GATAD2A: variants seen among roughly 807,000 people sequenced by gnomAD.
GATAD2A encodes GATA zinc finger domain containing 2A, also known as transcriptional repressor p66-alpha.
GATAD2A carries 12 observed loss-of-function variants against 68.5 expected under a neutral mutation model. The ratio of observed to expected loss-of-function variants is 0.18; its 90% confidence interval spans 0.11 to 0.28. The LOEUF is 0.28. GATAD2A is among the 10% of genes least tolerant of loss of function. The pLI, the probability that GATAD2A is intolerant of heterozygous loss-of-function variation, is 1.00. For missense variants in GATAD2A, 755 were observed against 868.5 expected, an observed-to-expected ratio of 0.87 and a Z score of 1.64; for synonymous variants, 410 against 375.3, an observed-to-expected ratio of 1.09 and a Z score of -1.07.
chr19:19,492,179 A>G, intron 2 of GATAD2A, 127 bp from the exon 3 acceptor site: 1 of 948,306 alleles, frequency 1.1e-6, no homozygotes, highest in Admixed American at 2.3e-5. Context: ...AGGGCAGGGG[A>G]TGTGGAGGAT....
intron 1 of GATAD2A, among the ~76,000 whole-genome samples, chr19:19,425,579 T>C (rs906405660): frequency 3.9e-5 from 6 of 152,148 alleles, no homozygotes; most frequent in African/African-American, 1.4e-4. Flanking sequence ...TCTGAAATGA[T>C]TGGCAAAGAA....
intron 1 of GATAD2A, among the ~76,000 whole-genome samples, chr19:19,455,765 C>G (rs1309960144): frequency 6.6e-6 from 1 of 152,170 alleles, no homozygotes; most frequent in Non-Finnish European, 1.5e-5. Context: ...TCTGGAGGGA[C>G]AGCTGTCCTG....
At chr19:19,442,063 G>A (rs2055157700) in intron 1 of GATAD2A, among the ~76,000 whole-genome samples, 1 of 148,912 alleles carries the variant, frequency 6.7e-6, no homozygotes, top group South Asian at 2.1e-4. Flanking sequence ...GTTTCTCCAT[G>A]TTGGTCAGGC....
At chr19:19,412,527 G>A (rs1039894225) in intron 1 of GATAD2A, among the ~76,000 whole-genome samples, 6 of 151,882 alleles carry the variant, frequency 4.0e-5, no homozygotes, top group African/African-American at 1.2e-4. Flanking sequence ...TGCTACTTGC[G>A]AGGCTGAGAT....
intron 2 of GATAD2A, among the ~76,000 whole-genome samples, chr19:19,466,848 CTA>C (rs1323746519): frequency 2.0e-5 from 3 of 152,182 alleles, no homozygotes; most frequent in Admixed American, 1.3e-4. Context: ...TTTCCTTTCT[CTA>C]TGTTTTCAGC....
At chr19:19,448,628 A>G (rs552338066) in intron 1 of GATAD2A, among the ~76,000 whole-genome samples, 90 of 152,258 alleles carry the variant, frequency 5.9e-4, no homozygotes, top group African/African-American at 2.0e-3. Flanking sequence ...ACCTGGGATT[A>G]CAGGCGCCCA....
Position 19,492,625 on chromosome 19 carries a change from G to T in GATAD2A, c.447G>T (p.Lys149Asn), listed in dbSNP as rs752493430. 6.2e-7 allele frequency: 1 copy of T among 1,614,186 alleles called. No individual in the cohort carries two copies. Among genetic ancestry groups the T allele is most frequent in the South Asian group, 1.1e-5 (1 of 91,088 alleles). Residue 149 changes from lysine (K) to asparagine (N), a missense_variant, in exon 4 of 12, where the codon AAG becomes AAT. Physicochemically the swap from Lys to Asn is moderately conservative, Grantham distance 94. Transcript: ENST00000683918. Reference protein sequence around the residue: ...EERERMIKQLKEELRLEEAKL... With the variant: ...EERERMIKQLNEELRLEEAKL... ...GAGAAAGGATGATCAAGCAGCTGAA[G>T]GAAGAATTGAGGTTAGAAGAAGCAA...
At position 19,501,953 on chromosome 19, in the gene GATAD2A, A is replaced by C; in HGVS notation, c.1504-16A>C. The stretch of plus-strand genomic sequence containing the variant: ...GCGGACCGCACTGACTTTGCTTTCA[A>C]CCCCCGTTTGTGTAGGTCATAAAAC... On this transcript the variant is annotated splice_polypyrimidine_tract_variant and intron_variant, in intron 9 of 11. Transcript: ENST00000683918. 6.2e-7 allele frequency: 1 copy of C among 1,611,496 alleles called. No homozygotes were observed. Among genetic ancestry groups the C allele is most frequent in the Non-Finnish European group, 8.5e-7 (1 of 1,177,886 alleles).
In GATAD2A at chr19:19,502,515, C is replaced by T. The variant is rs1441947632; in HGVS notation, c.1763C>T (p.Pro588Leu). ...GCCACCTCCAACTGGAAGAAGACGC[C>T]CCTCAGCACAGGTGGGTGACCTCCA... ...GSATSNWKKTPLSTGGTLAFV... is the reference protein window; with the variant it reads ...GSATSNWKKTLLSTGGTLAFV... The change falls in exon 11 of 12, where the codon CCC (proline) becomes CTC (leucine). Residue 588 changes from proline (P) to leucine (L), a missense_variant. By Grantham distance (98) the Pro-to-Leu change is moderately conservative (BLOSUM62 -3). Coordinates refer to ENST00000683918, the MANE Select transcript of GATAD2A (RefSeq NM_001384528.1). 1 of 1,610,642 alleles carries T rather than the reference C, an allele frequency of 6.2e-7. No homozygotes were observed. Among genetic ancestry groups the T allele is most frequent in the Non-Finnish European group, 8.5e-7 (1 of 1,178,484 alleles).
intron 1 of GATAD2A, among the ~76,000 whole-genome samples, chr19:19,411,404 C>A (rs1013816348): frequency 6.6e-6 from 1 of 152,174 alleles, no homozygotes; most frequent in African/African-American, 2.4e-5. Context: ...AGCTGTTTGC[C>A]GGGCAGATCT....
At chr19:19,473,665 C>A (rs993309354) in intron 2 of GATAD2A, among the ~76,000 whole-genome samples, 1 of 151,488 alleles carries the variant, frequency 6.6e-6, no homozygotes. Context: ...AGGCCAGGCG[C>A]GGTGGCTCAC....
At chr19:19,401,747 GAAAAGA>G (rs2049775423), upstream of GATAD2A, among the ~76,000 whole-genome samples, 1 of 151,246 alleles carries the variant, frequency 6.6e-6, no homozygotes, top group African/African-American at 2.4e-5. Context: ...CAAAAAAAAG[GAAAAGA>G]AAAAGGACAG....
chr19:19,490,794 A>G (rs1451448904), intron 2 of GATAD2A, among the ~76,000 whole-genome samples: 2 of 152,204 alleles, frequency 1.3e-5, no homozygotes, highest in Non-Finnish European at 2.9e-5. Context: ...CTGAGGCAGG[A>G]GAATCACCTG....
intron 1 of GATAD2A, among the ~76,000 whole-genome samples, chr19:19,442,355 G>A (rs1013922778): frequency 5.9e-5 from 9 of 152,004 alleles, no homozygotes; most frequent in East Asian, 1.9e-4. Flanking sequence ...GCTGGATGCC[G>A]TGGCTCACAC....
rs1033561074 is a variant in GATAD2A, at chr19:19,496,403, G to C, written c.924+184G>C. On this transcript the variant is annotated intron_variant, in intron 7 of 11. Transcript: ENST00000683918. The stretch of plus-strand genomic sequence containing the variant: ...TGGGGGCCACAGGGCTGTCTGGGTC[G>C]TGGGCAGAAGTTTTGTGGGCAGACT... Among the ~76,000 whole-genome samples the C allele has an allele frequency of 3.9e-5, 6 of 152,210 alleles. No homozygotes were observed. The South Asian group carries it at 6.2e-4, about 16-fold the overall frequency.
intron 1 of GATAD2A, among the ~76,000 whole-genome samples, chr19:19,419,525 T>C (rs1169082445): frequency 1.3e-5 from 2 of 150,480 alleles, no homozygotes; most frequent in Non-Finnish European, 3.0e-5. Context: ...TTTTTTTTTT[T>C]TTTTTTTTTA....
At chr19:19,409,606 C>G (rs946222864) in intron 1 of GATAD2A, among the ~76,000 whole-genome samples, 28 of 152,090 alleles carry the variant, frequency 1.8e-4, no homozygotes, top group African/African-American at 6.8e-4. Context: ...GACTTAAGTG[C>G]TAACTGTGCA....
chr19:19,497,375 C>A (rs571859560), intron 7 of GATAD2A, among the ~76,000 whole-genome samples: 1 of 152,254 alleles, frequency 6.6e-6, no homozygotes, highest in Non-Finnish European at 1.5e-5. Context: ...GGATTACAGG[C>A]GTGAGCCACC....
intron 1 of GATAD2A, among the ~76,000 whole-genome samples, chr19:19,409,723 A>G (rs1213859139): frequency 6.7e-6 from 1 of 148,410 alleles, no homozygotes; most frequent in East Asian, 1.9e-4. Context: ...CGAGGTGGAA[A>G]TAGTGAGACC....
Sources: gnomAD v4.1 joint callset for allele counts (sites outside exome capture counted in the v4.1 genomes callset) on GRCh38, gnomAD v4.1.1 for gene constraint, MANE v1.5 for transcripts, NCBI Gene and HGNC (gene_info 2026-07-23, HGNC 2026-07-21) for gene names.